The following CCDC57 variants were observed in gnomAD, a reference collection of about 807,000 sequenced individuals.
CCDC57 encodes coiled-coil domain-containing protein 57.
A neutral mutation model predicts 118.9 loss-of-function variants in CCDC57; 118 were observed. The ratio of observed to expected loss-of-function variants is 0.99; its 90% CI spans 0.86 to 1.16. The LOEUF (loss-of-function observed/expected upper bound fraction) is 1.16. CCDC57 is among the 50% of genes most tolerant of loss of function. CCDC57 has a pLI of 0.00. For synonymous variants in CCDC57, 527 were observed against 532.9 expected, an observed-to-expected ratio of 0.99 and a Z score of 0.15; for missense variants, 1,300 against 1,320.7, an observed-to-expected ratio of 0.98 and a Z score of 0.24.
chr17:82,207,345 A>T (rs958722434), intron 2 of CCDC57, among the ~76,000 whole-genome samples: 1 of 152,126 alleles, frequency 6.6e-6, no homozygotes, highest in African/African-American at 2.4e-5. Flanking sequence ...AAATAAAAAA[A>T]AAAAAACAAA....
chr17:82,117,741 G>GTCAACAAA (rs1260785583), intron 19 of CCDC57, among the ~76,000 whole-genome samples: 5 of 87,398 alleles, frequency 5.7e-5, no homozygotes, highest in Non-Finnish European at 1.3e-4. Flanking sequence ...TATCAGATTG[G>GTCAACAAA]CCAACAAACA....
Position 82,212,448 on chromosome 17 carries a change from G to A in CCDC57, c.-211+337C>T, listed in dbSNP as rs1298454918. ...ACAGACACTGTAAGGCTGCCTGGGC[G>A]CGGAGCCGTCCTTGCCGGCGGCGGA... On this transcript the variant is annotated intron_variant, in intron 1 of 19. Transcript: ENST00000665763. The surrounding 1 kb of genome is among the most constrained non-coding windows in gnomAD (Gnocchi z 4.1). 6.7e-6 allele frequency among the ~76,000 whole-genome samples: 1 copy of A among 149,154 alleles called. No individual in the cohort carries two copies. The highest frequency in any genetic ancestry group is 2.0e-4 in the East Asian group (1 of 5,058).
intron 14 of CCDC57, 74 bp downstream of exon 13, chr17:82,163,126 C>G: frequency 1.6e-5 from 25 of 1,555,532 alleles, no homozygotes; most frequent in Non-Finnish European, 2.2e-5. Flanking sequence ...CACCGGGCAG[C>G]CGCTCAGAGC....
At chr17:82,107,470 C>T (rs751161063) in intron 19 of CCDC57, 18 of 470,238 alleles carry the variant, frequency 3.8e-5, no homozygotes, top group East Asian at 6.9e-5. Flanking sequence ...GCACGGCACA[C>T]GGGGCGAGGT....
chr17:82,151,863 C>T, intron 15 of CCDC57, 90 bp from the exon 15 acceptor site: 1 of 1,145,134 alleles, frequency 8.7e-7, no homozygotes, highest in Non-Finnish European at 1.2e-6. Flanking sequence ...TCTTCACCTG[C>T]TCTTCCAGGG....
rs574259689 is a variant in CCDC57, at chr17:82,200,767, T to C, written c.407+771A>G. Among the ~76,000 whole-genome samples, 79 of 151,952 alleles carry C rather than the reference T, an allele frequency of 5.2e-4. 1 individual carries two copies. The South Asian group carries it at 0.016, about 32-fold the overall frequency. On this transcript the variant is annotated intron_variant, in intron 3 of 19. Transcript: ENST00000665763. ...GAGATCACGCTACTGCGATCCAGCC[T>C]GGACAACACAGCTAAAAACTCTGTC...
intron 9 of CCDC57, among the ~76,000 whole-genome samples, chr17:82,179,419 G>A (rs1209938400): frequency 6.6e-6 from 1 of 152,218 alleles, no homozygotes; most frequent in African/African-American, 2.4e-5. Flanking sequence ...CAACACCATG[G>A]ATGAGGGTGA....
intron 15 of CCDC57, 33 bp downstream of exon 14, chr17:82,157,715 G>C (rs748479860): frequency 1.9e-6 from 3 of 1,548,208 alleles, no homozygotes; most frequent in Non-Finnish European, 2.6e-6. Context: ...CAGGAACCTC[G>C]GCGGGTGGCA....
intron 16 of CCDC57, among the ~76,000 whole-genome samples, chr17:82,149,692 T>TGC (rs1236336006): frequency 2.0e-5 from 3 of 151,932 alleles, no homozygotes; most frequent in African/African-American, 7.3e-5. Flanking sequence ...CTGAGAAGGC[T>TGC]GCGTCCAGAG....
At chr17:82,180,676 C>T (rs1340280158) in intron 9 of CCDC57, among the ~76,000 whole-genome samples, 1 of 152,132 alleles carries the variant, frequency 6.6e-6, no homozygotes, top group Non-Finnish European at 1.5e-5. Flanking sequence ...GGGGTTTCAC[C>T]GTGTTAGCCA....
intron 19 of CCDC57, among the ~76,000 whole-genome samples, chr17:82,110,972 C>T (rs1349770001): frequency 6.8e-6 from 1 of 146,910 alleles, no homozygotes; most frequent in African/African-American, 2.5e-5. Context: ...TTGCGGTGAG[C>T]CAAAGAAAAA....
At chr17:82,166,001 C>T (rs762108758) in intron 13 of CCDC57, among the ~76,000 whole-genome samples, 2 of 152,074 alleles carry the variant, frequency 1.3e-5, no homozygotes, top group African/African-American at 2.4e-5. Flanking sequence ...GTCCATGATA[C>T]AGTAACAAAT....
intron 7 of CCDC57, among the ~76,000 whole-genome samples, chr17:82,190,242 T>C (rs138844104): frequency 1.7e-4 from 26 of 152,338 alleles, no homozygotes; most frequent in Middle Eastern, 6.8e-3. Flanking sequence ...ATAGAGTGAC[T>C]TCTCAAGGTT....
chr17:82,201,828 T>G (rs934475879), exon 3 of CCDC57: 1 of 1,613,636 alleles, frequency 6.2e-7, no homozygotes, highest in Non-Finnish European at 8.5e-7. Context: ...GCTGGCTCCG[T>G]GTGTCCTGCA....
chr17:82,132,784 G>T (rs1199726950), intron 17 of CCDC57, among the ~76,000 whole-genome samples: 1 of 128,724 alleles, frequency 7.8e-6, no homozygotes, highest in African/African-American at 2.9e-5. Context: ...TTTTGAGACG[G>T]AGTCTTGCTC....
chr17:82,113,719 G>GCC (rs1481231100), intron 19 of CCDC57: 1 of 708,868 alleles, frequency 1.4e-6, no homozygotes, highest in African/African-American at 1.7e-5. Flanking sequence ...GACTGCTTGA[G>GCC]CCCAGGAGTT....
chr17:82,171,646 G>A (rs2044752575), intron 13 of CCDC57, 55 bp downstream of exon 12: 3 of 1,573,614 alleles, frequency 1.9e-6, no homozygotes, highest in South Asian at 2.3e-5. Flanking sequence ...TTTTGCAGGG[G>A]TCAGATTTCA....
intron 19 of CCDC57, among the ~76,000 whole-genome samples, chr17:82,122,377 G>A (rs2036827557): frequency 6.6e-6 from 1 of 152,260 alleles, no homozygotes. Context: ...CCAGCAAGCA[G>A]CTCAGAAGTC....
chr17:82,158,484 G>A (rs766602366), intron 14 of CCDC57, among the ~76,000 whole-genome samples: 11 of 151,812 alleles, frequency 7.2e-5, no homozygotes, highest in Admixed American at 6.6e-4. Context: ...TCAGGAGATC[G>A]AGACCATCCT....
Sources: gnomAD v4.1 joint callset for allele counts (sites outside exome capture counted in the v4.1 genomes callset) on GRCh38, gnomAD v4.1.1 for gene constraint, Gnocchi (gnomAD v3.1) non-coding constraint, MANE v1.5 for transcripts, NCBI Gene and HGNC (gene_info 2026-07-23, HGNC 2026-07-21) for gene names.